FOXJ3: variants seen among roughly 807,000 people sequenced by gnomAD.
The protein encoded by FOXJ3 is forkhead box J3.
A neutral mutation model predicts 76.1 loss-of-function variants in FOXJ3; 22 were observed. That is an observed-to-expected ratio of 0.29 (90% CI 0.21 to 0.41). FOXJ3 has a LOEUF of 0.41. FOXJ3 is among the 10% of genes least tolerant of loss of function. The pLI is 1.00. For synonymous variants in FOXJ3, 269 were observed against 261.2 expected, an observed-to-expected ratio of 1.03 and a Z score of -0.29; for missense variants, 613 against 762.1, an observed-to-expected ratio of 0.80 and a Z score of 2.30.
chr1:42,327,974 T>C (rs1405691619), intron 1 of FOXJ3, among the ~76,000 whole-genome samples: 1 of 152,108 alleles, frequency 6.6e-6, no homozygotes, highest in Non-Finnish European at 1.5e-5. Context: ...AAAATAGATA[T>C]CATGCAGTTT....
rs577193479 is a variant in FOXJ3, at chr1:42,246,684, T to C, written c.444+18431A>G. 4.6e-5 allele frequency among the ~76,000 whole-genome samples: 7 copies of C among 151,030 alleles called. No homozygotes were observed. The South Asian group carries it at 1.3e-3, about 27-fold the overall frequency. ...CTACCATATTAAGCAGCAATTCCAC[T>C]ACTAGGTATTTACCCAAAGGAAAAG... On this transcript the variant is annotated intron_variant, in intron 4 of 12. Transcript: ENST00000361346.
intron 3 of FOXJ3, among the ~76,000 whole-genome samples, chr1:42,278,002 T>C (rs1442485868): frequency 4.0e-5 from 6 of 151,168 alleles, no homozygotes; most frequent in Non-Finnish European, 7.4e-5. Flanking sequence ...AAAAAAAATC[T>C]TGACTGATAA....
In FOXJ3 at chr1:42,327,401, T is replaced by C. The variant is rs567777060; in HGVS notation, c.-18+7658A>G. 3.9e-5 allele frequency among the ~76,000 whole-genome samples: 6 copies of C among 152,332 alleles called. No individual in the cohort carries two copies. In the South Asian group the frequency reaches 1.0e-3, roughly 26 times the overall value. On this transcript the variant is annotated intron_variant, in intron 1 of 12. Coordinates refer to ENST00000361346, the MANE Select transcript of FOXJ3 (RefSeq NM_014947.5). ...ACCCTGATTGCTGCATGTTTGACTG[T>C]TGTGTCTGTAATTACCCAAAATTTG...
intron 2 of FOXJ3, 61 bp downstream of exon 2, chr1:42,310,989 G>T: frequency 1.0e-6 from 1 of 962,230 alleles, no homozygotes; most frequent in South Asian, 1.5e-5. Flanking sequence ...AATATGAGGT[G>T]ACCAGTCTAA....
At chr1:42,279,183 T>C (rs1652512684) in intron 2 of FOXJ3, among the ~76,000 whole-genome samples, 1 of 152,086 alleles carries the variant, frequency 6.6e-6, no homozygotes, top group Admixed American at 6.6e-5. Context: ...GGAATCTGCA[T>C]GAAGGAAAGA....
chr1:42,289,685 C>G (rs1653292237), intron 2 of FOXJ3, among the ~76,000 whole-genome samples: 1 of 152,118 alleles, frequency 6.6e-6, no homozygotes, highest in South Asian at 2.1e-4. Flanking sequence ...ACCTATAAGT[C>G]TTCTCTGATA....
At chr1:42,317,546 T>C (rs1183219977) in intron 1 of FOXJ3, among the ~76,000 whole-genome samples, 2 of 147,652 alleles carry the variant, frequency 1.4e-5, no homozygotes, top group Non-Finnish European at 1.5e-5. Flanking sequence ...CTTGAGGAAG[T>C]TGGACTGCAG....
chr1:42,335,143 G>GC lies in FOXJ3; in HGVS notation c.-103dup, dbSNP rs1349390400. 6.6e-6 allele frequency: 1 copy of GC among 152,220 alleles called. No individual in the cohort carries two copies. The highest frequency in any genetic ancestry group is 1.5e-5 in the Non-Finnish European group (1 of 68,108). The allele number at this position is 152,220 out of a possible 1,614,324, so 9.4% of individuals were successfully genotyped here. A position where few individuals can be genotyped will look rare whatever the true frequency, so the allele number is the denominator to read the frequency against. On this transcript the variant is annotated 5_prime_UTR_variant, in exon 1 of 13. Transcript: ENST00000361346. ...CCCCCCCGGGAAAGGTCCCAACGGT[G>GC]CCTACTGCGAGCGGTCGAGGCCCCG...
intron 4 of FOXJ3, among the ~76,000 whole-genome samples, chr1:42,255,906 C>T (rs1650549492): frequency 6.6e-6 from 1 of 152,180 alleles, no homozygotes; most frequent in Admixed American, 6.5e-5. Flanking sequence ...CCTGTAGTCC[C>T]AGCTACTCGG....
At chr1:42,225,816 T>C (rs374019833) in intron 5 of FOXJ3, among the ~76,000 whole-genome samples, 15 of 152,186 alleles carry the variant, frequency 9.9e-5, no homozygotes, top group East Asian at 9.6e-4. Context: ...TGTATTTCTT[T>C]AGGCCTCCAC....
intron 2 of FOXJ3, among the ~76,000 whole-genome samples, chr1:42,293,256 C>G (rs1355979947): frequency 6.9e-6 from 1 of 145,564 alleles, no homozygotes; most frequent in African/African-American, 2.5e-5. Flanking sequence ...CAGATGTTAC[C>G]AAAATTTAAA....
At position 42,308,625 on chromosome 1, in the gene FOXJ3, C is replaced by A. The variant is rs183568685; in HGVS notation, c.44+2425G>T. On this transcript the variant is annotated intron_variant, in intron 2 of 12. Transcript: ENST00000361346. Reference sequence around the variant, plus strand: ...CGGTTTATAAATTAAATGCTAGATACCATGATTAAATATCATGACTCAGAT... The same window carrying A: ...CGGTTTATAAATTAAATGCTAGATAACATGATTAAATATCATGACTCAGAT... 3.8e-3 allele frequency among the ~76,000 whole-genome samples: 580 copies of A among 152,166 alleles called. 1 individual carries two copies. The highest frequency in any genetic ancestry group is 7.1e-3 in the Non-Finnish European group (483 of 68,012).
intron 5 of FOXJ3, among the ~76,000 whole-genome samples, chr1:42,209,818 C>T (rs1460424624): frequency 1.3e-5 from 2 of 152,212 alleles, no homozygotes; most frequent in East Asian, 3.9e-4. Flanking sequence ...TTGAGAGACA[C>T]TCCCAAATGA....
intron 4 of FOXJ3, among the ~76,000 whole-genome samples, chr1:42,229,998 TAAAATTA>T (rs1647937087): frequency 3.9e-5 from 6 of 152,108 alleles, no homozygotes; most frequent in Non-Finnish European, 8.8e-5. Context: ...AACCTTTCAA[TAAAATTA>T]CAAAAACAAA....
At chr1:42,196,268 T>C (rs1248005855) in intron 7 of FOXJ3, among the ~76,000 whole-genome samples, 2 of 152,150 alleles carry the variant, frequency 1.3e-5, no homozygotes, top group African/African-American at 4.8e-5. Flanking sequence ...AGTAATAAAA[T>C]TATCTCAATC....
chr1:42,201,067 TTA>T (rs1646755479), intron 6 of FOXJ3, among the ~76,000 whole-genome samples: 1 of 152,250 alleles, frequency 6.6e-6, no homozygotes, highest in African/African-American at 2.4e-5. Context: ...AACATAAGTG[TTA>T]TCTTTTAAAT....
At chr1:42,245,627 A>G (rs1469827188) in intron 4 of FOXJ3, among the ~76,000 whole-genome samples, 2 of 152,228 alleles carry the variant, frequency 1.3e-5, no homozygotes, top group Middle Eastern at 3.2e-3. Context: ...ACGTCATTTC[A>G]TAAGAATTCT....
chr1:42,196,501 T>G (rs866057613), intron 7 of FOXJ3, among the ~76,000 whole-genome samples: 3 of 152,194 alleles, frequency 2.0e-5, no homozygotes, highest in Non-Finnish European at 4.4e-5. Flanking sequence ...GAGACCAGCC[T>G]GGCCAACATG....
Position 42,181,848 on chromosome 1 carries a change from C to T in FOXJ3, c.1753+69G>A, listed in dbSNP as rs902893291. On this transcript the variant is annotated intron_variant, in intron 12 of 12. Transcript: ENST00000361346. ...ACACACTCTCTCTCTCACCTGCCAT[C>T]GTTGTTCCTGGAGTGCTCACACACA... is the stretch of plus-strand genomic sequence containing the variant. 9.9e-6 allele frequency: 10 copies of T among 1,009,562 alleles called. No individual in the cohort carries two copies. In the African/African-American group the frequency reaches 1.1e-4, roughly 11 times the overall value. The allele number at this position is 1,009,562 out of a possible 1,614,324, so 62.5% of individuals were successfully genotyped here. A position where few individuals can be genotyped will look rare whatever the true frequency, so the allele number is the denominator to read the frequency against.
Sources: gnomAD v4.1 joint callset for allele counts (sites outside exome capture counted in the v4.1 genomes callset) on GRCh38, gnomAD v4.1.1 for gene constraint, MANE v1.5 for transcripts, NCBI Gene and HGNC (gene_info 2026-07-23, HGNC 2026-07-21) for gene names.